The following NRXN3 variants were observed in gnomAD, a reference collection of about 807,000 sequenced individuals.
The protein encoded by NRXN3 is neurexin III.
Under a neutral mutation model 137.6 loss-of-function variants are expected in NRXN3, and 32 were observed. That is an observed-to-expected ratio of 0.23 (90% CI 0.18 to 0.31). NRXN3 has a LOEUF of 0.31. Ranked by LOEUF, NRXN3 falls within the 10% of genes least tolerant of loss-of-function variation. NRXN3 has a pLI of 1.00. For synonymous variants in NRXN3, 798 were observed against 784.5 expected (o/e 1.02, Z -0.29); for missense variants, 1,574 against 2,062.5 (o/e 0.76, Z 4.59).
intron 20 of NRXN3, among the ~76,000 whole-genome samples, chr14:79,829,453 C>T (rs1336221709): frequency 6.6e-6 from 1 of 152,226 alleles, no homozygotes; most frequent in Non-Finnish European, 1.5e-5. Context: ...TTCATCACTT[C>T]TGCTGATTGC....
chr14:78,687,452 A>G (rs1362306264), intron 6 of NRXN3, among the ~76,000 whole-genome samples: 3 of 152,230 alleles, frequency 2.0e-5, no homozygotes, highest in Non-Finnish European at 4.4e-5. Context: ...TTTTGGAGGT[A>G]GAGTCAACAG....
chr14:78,303,195 C>A (rs1384886448), intron 4 of NRXN3, among the ~76,000 whole-genome samples: 3 of 152,102 alleles, frequency 2.0e-5, no homozygotes, highest in Non-Finnish European at 2.9e-5. Flanking sequence ...TTTTAATAGT[C>A]CCTCATCCCC....
intron 10 of NRXN3, among the ~76,000 whole-genome samples, chr14:78,837,187 A>C (rs893867952): frequency 7.9e-5 from 12 of 152,210 alleles, no homozygotes; most frequent in Non-Finnish European, 1.3e-4. Flanking sequence ...GTTTATTAAG[A>C]ATTACAGCAT....
At chr14:78,957,552 C>T (rs1267646136) in intron 11 of NRXN3, among the ~76,000 whole-genome samples, 191 bp downstream of exon 11, 5 of 152,142 alleles carry the variant, frequency 3.3e-5, no homozygotes, top group African/African-American at 4.8e-5. Context: ...CATCAATGTG[C>T]GTTATGGAAA....
At chr14:78,831,049 A>C (rs1221539864) in intron 10 of NRXN3, among the ~76,000 whole-genome samples, 1 of 152,208 alleles carries the variant, frequency 6.6e-6, no homozygotes, top group Non-Finnish European at 1.5e-5. Context: ...TTGGTCTGAC[A>C]TGGAAGGTGG....
intron 4 of NRXN3, among the ~76,000 whole-genome samples, chr14:78,439,954 G>A (rs1169579721): frequency 6.6e-6 from 1 of 152,136 alleles, no homozygotes; most frequent in Non-Finnish European, 1.5e-5. Flanking sequence ...TGCCAGGAAG[G>A]TGGCCTGGCA....
intron 4 of NRXN3, among the ~76,000 whole-genome samples, chr14:78,555,823 G>A (rs1403871981): frequency 6.6e-6 from 1 of 152,238 alleles, no homozygotes; most frequent in Admixed American, 6.5e-5. Flanking sequence ...ATGGTGGCAA[G>A]GGTGGGGAAA....
intron 8 of NRXN3, among the ~76,000 whole-genome samples, chr14:78,734,675 T>A (rs1184917427): frequency 6.6e-6 from 1 of 152,204 alleles, no homozygotes; most frequent in African/African-American, 2.4e-5. Flanking sequence ...GGAATGATGC[T>A]TGACTTGACA....
At chr14:79,836,310 C>A (rs1484193982) in intron 20 of NRXN3, among the ~76,000 whole-genome samples, 3 of 152,112 alleles carry the variant, frequency 2.0e-5, no homozygotes, top group Non-Finnish European at 2.9e-5. Context: ...ACCATCAGTT[C>A]CATATTTAAG....
intron 19 of NRXN3, among the ~76,000 whole-genome samples, chr14:79,794,342 C>T (rs529517212): frequency 1.1e-4 from 17 of 151,722 alleles, no homozygotes; most frequent in Admixed American, 6.6e-4. Flanking sequence ...CCAGCCTGGG[C>T]GACAGAGTGA....
At chr14:78,600,748 C>T (rs78583068) in intron 4 of NRXN3, among the ~76,000 whole-genome samples, 2 of 152,346 alleles carry the variant, frequency 1.3e-5, no homozygotes, top group East Asian at 3.9e-4. Flanking sequence ...TTAGACATCT[C>T]TACCTACTTG....
intron 3 of NRXN3, among the ~76,000 whole-genome samples, chr14:78,282,896 G>T (rs975490481): frequency 6.6e-6 from 1 of 152,196 alleles, no homozygotes; most frequent in African/African-American, 2.4e-5. Context: ...CTCACAGGGC[G>T]ACCTGCAGAA....
At chr14:79,387,705 A>G (rs2094682759) in intron 15 of NRXN3, among the ~76,000 whole-genome samples, 1 of 152,020 alleles carries the variant, frequency 6.6e-6, no homozygotes, top group South Asian at 2.1e-4. Context: ...GAACCAAGCC[A>G]AATGTCCAAC....
At chr14:79,060,704 A>T (rs544391490) in intron 15 of NRXN3, among the ~76,000 whole-genome samples, 4 of 152,176 alleles carry the variant, frequency 2.6e-5, no homozygotes, top group African/African-American at 4.8e-5. Context: ...TCCGTGTCTC[A>T]GCTTCCTATA....
At chr14:79,453,129 A>T (rs2096203651) in intron 15 of NRXN3, among the ~76,000 whole-genome samples, 1 of 152,044 alleles carries the variant, frequency 6.6e-6, no homozygotes, top group Non-Finnish European at 1.5e-5. Flanking sequence ...TATTTCATTC[A>T]AAAGAATAAA....
intron 4 of NRXN3, among the ~76,000 whole-genome samples, chr14:78,361,327 A>G (rs1007521889): frequency 6.6e-6 from 1 of 152,222 alleles, no homozygotes; most frequent in Non-Finnish European, 1.5e-5. Flanking sequence ...AGTAAGACAT[A>G]AGATTCCATA....
chr14:79,363,123 C>G (rs1333715417), intron 15 of NRXN3, among the ~76,000 whole-genome samples: 1 of 151,978 alleles, frequency 6.6e-6, no homozygotes, highest in Non-Finnish European at 1.5e-5. Flanking sequence ...CCCCCAGCCT[C>G]CTGAGTAGCT....
intron 19 of NRXN3, among the ~76,000 whole-genome samples, chr14:79,768,307 A>G (rs2099063541): frequency 6.6e-6 from 1 of 152,298 alleles, no homozygotes; most frequent in Middle Eastern, 3.4e-3. Context: ...TGTAGGCTCC[A>G]CCTCTGGGGG....
intron 15 of NRXN3, among the ~76,000 whole-genome samples, chr14:79,308,012 C>A (rs2086422140): frequency 6.6e-6 from 1 of 152,072 alleles, no homozygotes; most frequent in African/African-American, 2.4e-5. Flanking sequence ...TCTTGTCTCT[C>A]TGTCTTCACA....
Sources: gnomAD v4.1 joint callset for allele counts (sites outside exome capture counted in the v4.1 genomes callset) on GRCh38, gnomAD v4.1.1 for gene constraint, MANE v1.5 for transcripts, NCBI Gene and HGNC (gene_info 2026-07-23, HGNC 2026-07-21) for gene names.